FAM78B: variants seen among roughly 807,000 people sequenced by gnomAD.
FAM78B encodes family with sequence similarity 78 member B.
Under a neutral mutation model 20.0 loss-of-function variants are expected in FAM78B, and 10 were observed. The observed-to-expected ratio is 0.50, with a 90% CI of 0.31 to 0.85. The LOEUF (loss-of-function observed/expected upper bound fraction) is 0.85. FAM78B is among the 40% of genes least tolerant of loss of function. The pLI, the probability that FAM78B is intolerant of heterozygous loss-of-function variation, is 0.05. For missense variants in FAM78B, 283 were observed against 345.0 expected (o/e 0.82, Z 1.42); for synonymous variants, 135 against 132.8 (o/e 1.02, Z -0.12).
chr1:166,077,754 CATAT>C (rs1051188410), intron 1 of FAM78B, among the ~76,000 whole-genome samples: 17 of 134,674 alleles, frequency 1.3e-4, no homozygotes, highest in African/African-American at 4.5e-4. Flanking sequence ...CATATAATTA[CATAT>C]ATTTATATAT....
intron 1 of FAM78B, among the ~76,000 whole-genome samples, chr1:166,129,929 C>A (rs994124470): frequency 6.6e-6 from 1 of 152,250 alleles, no homozygotes; most frequent in East Asian, 1.9e-4. Context: ...CCTCCGTAGA[C>A]TGATCACAAG....
chr1:166,086,593 T>C (rs1432840805), intron 1 of FAM78B, among the ~76,000 whole-genome samples: 1 of 152,206 alleles, frequency 6.6e-6, no homozygotes, highest in African/African-American at 2.4e-5. Context: ...TCAGAGTTTA[T>C]TGTTTTCATT....
At chr1:166,093,883 G>C (rs1653170168) in intron 1 of FAM78B, among the ~76,000 whole-genome samples, 1 of 151,880 alleles carries the variant, frequency 6.6e-6, no homozygotes, top group African/African-American at 2.4e-5. Context: ...GGATGATACA[G>C]AATAGGGCTG....
chr1:166,060,226 T>C (rs12117016), exon 3 of FAM78B: 40,835 of 199,782 alleles, frequency 0.2, 4,581 homozygotes, highest in Non-Finnish European at 0.24. Context: ...CCCAAAAGCA[T>C]AGGGAGGGAA....
chr1:166,132,572 C>A (rs1346803321), intron 1 of FAM78B, among the ~76,000 whole-genome samples: 1 of 152,152 alleles, frequency 6.6e-6, no homozygotes, highest in African/African-American at 2.4e-5. Context: ...TGCCATCTCC[C>A]TTCTTGTACA....
At chr1:166,152,339 C>T (rs140320808) in intron 1 of FAM78B, among the ~76,000 whole-genome samples, 104 of 152,294 alleles carry the variant, frequency 6.8e-4, no homozygotes, top group African/African-American at 2.3e-3. Context: ...TGGCGGGATG[C>T]GGCAGGACCA....
chr1:166,089,861 G>T (rs76994273), intron 1 of FAM78B, among the ~76,000 whole-genome samples: 5 of 152,120 alleles, frequency 3.3e-5, no homozygotes, highest in African/African-American at 9.7e-5. Flanking sequence ...ACATAACCGC[G>T]GTGGGGGTTA....
chr1:166,070,399 GGGCCC>G lies in FAM78B; in HGVS notation c.623_627del (p.Arg208ProfsTer23), dbSNP rs1651976810. 1 of 1,613,992 alleles carries G rather than the reference GGGCCC, an allele frequency of 6.2e-7. No individual in the cohort carries two copies. Among genetic ancestry groups the G allele is most frequent in the African/African-American group, 1.3e-5 (1 of 74,910 alleles). On this transcript the variant is annotated frameshift_variant, in exon 2 of 2. Transcript: ENST00000354422. LOFTEE classifies it high-confidence loss of function. ...TCCTGCTGAGTCCTGCCCACCAGCC[GGGCCC>G]GCTGCCCCAAGAGCTGAAGAGGGTC... is the stretch of plus-strand genomic sequence containing the variant.
chr1:166,112,607 G>A (rs1433375888), intron 1 of FAM78B, among the ~76,000 whole-genome samples: 1 of 152,152 alleles, frequency 6.6e-6, no homozygotes, highest in Non-Finnish European at 1.5e-5. Context: ...CCTTTCTGAG[G>A]AGCCTTATTA....
Position 166,166,197 on chromosome 1 carries a change from T to C in FAM78B, c.52A>G (p.Ile18Val). 6.3e-7 allele frequency: 1 copy of C among 1,586,360 alleles called. No individual in the cohort carries two copies. The stretch of plus-strand genomic sequence containing the variant: ...GTGGCGCACACATCGTACACCACGA[T>C]GTTCTCGCGCCGGATCCGCGCCTTG... ...TCKARIRREN[I>V]VVYDVCATID... is the part of the protein sequence containing the mutation. Residue 18 changes from isoleucine (I) to valine (V), a missense_variant, in exon 1 of 2, where the codon ATC (isoleucine) becomes GTC (valine). Coordinates refer to ENST00000354422, the MANE Select transcript of FAM78B (RefSeq NM_001017961.5).
chr1:166,163,260 T>C (rs2101808480), intron 1 of FAM78B, among the ~76,000 whole-genome samples: 1 of 152,318 alleles, frequency 6.6e-6, no homozygotes, highest in South Asian at 2.1e-4. Context: ...CCACAACTCT[T>C]CACCAGCCTG....
At chr1:166,061,442 T>C (rs767503669) in intron 2 of FAM78B, among the ~76,000 whole-genome samples, 6 of 152,218 alleles carry the variant, frequency 3.9e-5, no homozygotes, top group Non-Finnish European at 7.3e-5. Flanking sequence ...TATAAATTAA[T>C]TAATATGTTG....
chr1:166,111,284 G>A (rs903979351), intron 1 of FAM78B, among the ~76,000 whole-genome samples: 4 of 152,180 alleles, frequency 2.6e-5, no homozygotes, highest in African/African-American at 9.7e-5. Flanking sequence ...CTCTCTCCAG[G>A]ACTGATAGGC....
At chr1:166,137,002 A>T (rs557572434) in intron 1 of FAM78B, among the ~76,000 whole-genome samples, 64 of 152,302 alleles carry the variant, frequency 4.2e-4, no homozygotes, top group Admixed American at 1.4e-3. Context: ...CTCCTAATGG[A>T]AAGAGAAGGG....
chr1:166,074,751 G>C (rs929099151), intron 1 of FAM78B, among the ~76,000 whole-genome samples: 1 of 152,148 alleles, frequency 6.6e-6, no homozygotes, highest in Non-Finnish European at 1.5e-5. Flanking sequence ...TTAAAAGGAG[G>C]AGGCACATTT....
At chr1:166,064,574 C>T (rs1651730068), downstream of FAM78B, among the ~76,000 whole-genome samples, 1 of 152,094 alleles carries the variant, frequency 6.6e-6, no homozygotes, top group Non-Finnish European at 1.5e-5. Flanking sequence ...TCCTTGACCA[C>T]CAGGTTTCAC....
intron 1 of FAM78B, among the ~76,000 whole-genome samples, chr1:166,102,712 T>C (rs1177854629): frequency 6.6e-6 from 1 of 152,132 alleles, no homozygotes; most frequent in African/African-American, 2.4e-5. Flanking sequence ...ATAAAGCAAG[T>C]CCTTAGAGAC....
intron 1 of FAM78B, chr1:166,154,622 C>T (rs1485259533): frequency 2.2e-6 from 1 of 457,640 alleles, no homozygotes; most frequent in Non-Finnish European, 4.6e-6. Flanking sequence ...CCTGGACCCT[C>T]AGCAAACCTG....
rs1021468207 is a variant in FAM78B, at chr1:166,084,943, C to T, written c.264-14180G>A. 9.2e-5 allele frequency among the ~76,000 whole-genome samples: 14 copies of T among 152,234 alleles called. 1 individual carries two copies. In the East Asian group the frequency reaches 2.5e-3, roughly 27 times the overall value. Reference sequence around the variant, plus strand: ...CTATAAAAGGCCTTAACACCGTGAACACCTAATGCCTTTCTTCTTATTTTT... The same window carrying T: ...CTATAAAAGGCCTTAACACCGTGAATACCTAATGCCTTTCTTCTTATTTTT... On this transcript the variant is annotated intron_variant, in intron 1 of 1. Transcript: ENST00000354422.
Sources: gnomAD v4.1 joint callset for allele counts (sites outside exome capture counted in the v4.1 genomes callset) on GRCh38, gnomAD v4.1.1 for gene constraint, MANE v1.5 for transcripts, NCBI Gene and HGNC (gene_info 2026-07-23, HGNC 2026-07-21) for gene names.